Variants in CAGE1 observed in about 807,000 individuals in gnomAD.
The protein encoded by CAGE1 is cancer-associated gene 1 protein.
Under a neutral mutation model 94.9 loss-of-function variants are expected in CAGE1, and 66 were observed. The observed-to-expected ratio is 0.70, with a 90% CI of 0.57 to 0.85. The LOEUF is 0.85. Among genes scored for constraint, CAGE1 ranks in the 40% least tolerant of loss-of-function variants. The pLI, the probability that CAGE1 is intolerant of heterozygous loss-of-function variation, is 0.00. For synonymous variants in CAGE1, 319 were observed against 321.0 expected, an observed-to-expected ratio of 0.99 and a Z score of 0.07; for missense variants, 865 against 950.4, an observed-to-expected ratio of 0.91 and a Z score of 1.18.
At chr6:7,328,645 C>T (rs1037812820) in intron 13 of CAGE1, among the ~76,000 whole-genome samples, 3 of 152,030 alleles carry the variant, frequency 2.0e-5, no homozygotes, top group Admixed American at 6.6e-5. Context: ...TGAATGGATA[C>T]AAAATGACAG....
intron 13 of CAGE1, among the ~76,000 whole-genome samples, chr6:7,328,924 A>G (rs1206017458): frequency 8.1e-5 from 6 of 74,104 alleles, no homozygotes; most frequent in African/African-American, 1.7e-4. Context: ...GTGTGTATAT[A>G]TATATATATA....
intron 4 of CAGE1, among the ~76,000 whole-genome samples, chr6:7,376,611 A>G (rs556706557): frequency 1.3e-5 from 2 of 152,110 alleles, no homozygotes; most frequent in Non-Finnish European, 2.9e-5. Flanking sequence ...CCAGTCTGTG[A>G]TATAGTTGCA....
intron 11 of CAGE1, chr6:7,341,576 T>A: frequency 9.4e-7 from 1 of 1,062,074 alleles, no homozygotes; most frequent in Non-Finnish European, 1.5e-6. Context: ...GGCCTAGCTT[T>A]AAGCAGGGCT....
chr6:7,381,902 C>T (rs925524551), intron 3 of CAGE1, among the ~76,000 whole-genome samples: 17 of 150,844 alleles, frequency 1.1e-4, no homozygotes, highest in Admixed American at 7.9e-4. Flanking sequence ...TGCAGTGGCG[C>T]GATCTCGGCT....
intron 3 of CAGE1, among the ~76,000 whole-genome samples, chr6:7,384,723 T>C (rs916213309): frequency 2.0e-5 from 3 of 152,096 alleles, no homozygotes; most frequent in Non-Finnish European, 4.4e-5. Flanking sequence ...AGCTCTCTTT[T>C]TTTTTTTTGA....
At chr6:7,383,013 G>A (rs149182454) in intron 3 of CAGE1, among the ~76,000 whole-genome samples, 33 of 152,300 alleles carry the variant, frequency 2.2e-4, no homozygotes, top group Admixed American at 3.3e-4. Flanking sequence ...TAATCCCCAC[G>A]TATTGAGGGA....
chr6:7,327,122 G>A (rs1024255222), intron 13 of CAGE1, among the ~76,000 whole-genome samples: 1 of 152,078 alleles, frequency 6.6e-6, no homozygotes, highest in Non-Finnish European at 1.5e-5. Flanking sequence ...GTACAATCTC[G>A]GCTCACTGCA....
Position 7,378,884 on chromosome 6 carries a change from C to A in CAGE1, c.420G>T (p.Lys140Asn), listed in dbSNP as rs1298264651. The A allele has an allele frequency of 1.2e-6, 2 of 1,610,754 alleles. No individual in the cohort carries two copies. The highest frequency in any genetic ancestry group is 2.7e-5 in the African/African-American group (2 of 74,906). Residue 140 changes from lysine (K) to asparagine (N), a missense_variant, in exon 4 of 14, where the codon AAG (lysine) becomes AAT (asparagine). Coordinates refer to ENST00000502583, the MANE Select transcript of CAGE1 (RefSeq NM_001170692.2). ...VEAFDDEMTE[K>N]PEFQSQVYNY... ...TATACACTTGACTTTGAAATTCTGG[C>A]TTCTCTGTCATTTCATCATCAAATG...
chr6:7,336,634 C>G (rs138110890), intron 11 of CAGE1, among the ~76,000 whole-genome samples: 10 of 152,094 alleles, frequency 6.6e-5, no homozygotes, highest in Non-Finnish European at 7.4e-5. Context: ...CTCAGCTTCC[C>G]GAATAGCTGG....
chr6:7,382,754 C>CA (rs1297455203), intron 3 of CAGE1, among the ~76,000 whole-genome samples: 1 of 151,654 alleles, frequency 6.6e-6, no homozygotes, highest in African/African-American at 2.4e-5. Flanking sequence ...TACAAAAACA[C>CA]AAAAAAACTA....
In CAGE1 at chr6:7,373,796, C is replaced by T; in HGVS notation, c.1023G>A (p.Gln341=). 6.2e-7 allele frequency: 1 copy of T among 1,613,908 alleles called. No homozygotes were observed. The highest frequency in any genetic ancestry group is 1.1e-5 in the South Asian group (1 of 91,072). Residue 341 remains glutamine, a synonymous_variant, in exon 5 of 14, where the codon CAG becomes CAA. Coordinates refer to ENST00000502583, the MANE Select transcript of CAGE1 (RefSeq NM_001170692.2). ...LYLEKRVKEL[Q]MKITKQQVFI... is the part of the protein sequence containing the mutation. ...ACACTTGCTGTTTGGTAATCTTCAT[C>T]TGTAGTTCTTTAACCCTCTTCTCTA...
At chr6:7,382,664 C>A (rs1176496995) in intron 3 of CAGE1, among the ~76,000 whole-genome samples, 1 of 151,526 alleles carries the variant, frequency 6.6e-6, no homozygotes. Flanking sequence ...GTAATCCCAG[C>A]ACTTTGGGAG....
intron 12 of CAGE1, chr6:7,331,403 G>T: frequency 1.3e-6 from 1 of 774,650 alleles, no homozygotes; most frequent in Non-Finnish European, 2.0e-6. Context: ...CAGGGTTTCT[G>T]GCATAACCAA....
chr6:7,341,174 T>C (rs1288049595), intron 11 of CAGE1: 24 of 598,248 alleles, frequency 4.0e-5, no homozygotes. Flanking sequence ...ACTTTGTCAA[T>C]CCATTCTGTG....
chr6:7,352,315 AC>A lies in CAGE1; in HGVS notation c.2369+2725del, dbSNP rs1206690022. Among the ~76,000 whole-genome samples, 22 of 111,494 alleles carry A rather than the reference AC, an allele frequency of 2.0e-4. 1 individual carries two copies. Among genetic ancestry groups the A allele is most frequent in the African/African-American group, 7.7e-4 (15 of 19,518 alleles). 73.1% of individuals were successfully genotyped at this position (111,494 alleles called of 152,430 possible). On this transcript the variant is annotated intron_variant, in intron 11 of 13. Transcript: ENST00000502583. ...CAAAAAAAAAAAAAAACAAAAAAAAACAAAAAAAAAAAACCTAACCAAAGAG... is the reference window on the plus strand; with the variant it reads ...CAAAAAAAAAAAAAAACAAAAAAAAAAAAAAAAAAAAACCTAACCAAAGAG...
intron 3 of CAGE1, among the ~76,000 whole-genome samples, chr6:7,382,768 G>A (rs1173935505): frequency 6.6e-6 from 1 of 151,916 alleles, no homozygotes; most frequent in Non-Finnish European, 1.5e-5. Context: ...AAAACTAGCC[G>A]TACATAGTGG....
chr6:7,354,556 A>G (rs1388648478), intron 11 of CAGE1, among the ~76,000 whole-genome samples: 1 of 152,234 alleles, frequency 6.6e-6, no homozygotes, highest in Non-Finnish European at 1.5e-5. Flanking sequence ...GGATGGAAGA[A>G]GCAGCATATT....
intron 3 of CAGE1, among the ~76,000 whole-genome samples, chr6:7,379,643 A>T (rs1760867231): frequency 6.6e-6 from 1 of 152,220 alleles, no homozygotes; most frequent in South Asian, 2.1e-4. Flanking sequence ...CAAATTATTG[A>T]TCCCTTTTAT....
intron 11 of CAGE1, chr6:7,341,858 C>T (rs1759190245): frequency 1.5e-6 from 1 of 680,844 alleles, no homozygotes; most frequent in East Asian, 3.3e-5. Flanking sequence ...AGGAACTGGG[C>T]CACTTCTTCT....
Sources: allele counts gnomAD v4.1 joint callset (sites outside exome capture counted in the v4.1 genomes callset), GRCh38; gene constraint gnomAD v4.1.1; transcripts MANE v1.5; gene names NCBI Gene and HGNC (gene_info 2026-07-23, HGNC 2026-07-21).